Variants in NBAS observed in about 807,000 individuals in gnomAD.
NBAS encodes NBAS subunit of NRZ tethering complex, also known as NAG/BC035112 fusion.
In NBAS, 219 loss-of-function variants were observed where a neutral mutation model predicts 302.5. The observed-to-expected ratio is 0.72, with a 90% CI of 0.65 to 0.81. NBAS has a LOEUF of 0.81. Ranked by LOEUF, NBAS falls within the 30% of genes least tolerant of loss-of-function variation. The pLI is 0.00. For synonymous variants in NBAS, 1,118 were observed against 1,021.6 expected, an observed-to-expected ratio of 1.09 and a Z score of -1.80; for missense variants, 2,932 against 2,841.6, an observed-to-expected ratio of 1.03 and a Z score of -0.72.
the NBAS span, among the ~76,000 whole-genome samples, chr2:15,151,859 T>C: frequency 6.6e-6 from 1 of 152,080 alleles, no homozygotes; most frequent in Non-Finnish European, 1.5e-5. Context: ...TATTTTTTAT[T>C]TTTTTTGAGG....
the NBAS span, among the ~76,000 whole-genome samples, chr2:15,006,934 C>T: frequency 6.6e-6 from 1 of 152,150 alleles, no homozygotes; most frequent in Non-Finnish European, 1.5e-5. Context: ...ATTTGTATTT[C>T]CTCTACTCCT....
the NBAS span, among the ~76,000 whole-genome samples, chr2:15,006,843 T>C: frequency 1.3e-5 from 2 of 152,228 alleles, no homozygotes; most frequent in Non-Finnish European, 2.9e-5. Flanking sequence ...CATGCTAGCT[T>C]GTCCCAATGA....
At chr2:15,456,579 A>G (rs1486791316) in intron 21 of NBAS, among the ~76,000 whole-genome samples, 1 of 152,228 alleles carries the variant, frequency 6.6e-6, no homozygotes, top group Non-Finnish European at 1.5e-5. Flanking sequence ...ACATTCACTC[A>G]TGCATTTATT....
At chr2:15,189,548 C>A (rs1296522040) in intron 49 of NBAS, among the ~76,000 whole-genome samples, 1 of 142,410 alleles carries the variant, frequency 7.0e-6, no homozygotes, top group East Asian at 2.7e-4. Flanking sequence ...CAATGAGAAG[C>A]CACAGCTCAT....
chr2:15,512,682 G>A (rs2148650502), intron 9 of NBAS, among the ~76,000 whole-genome samples: 1 of 152,116 alleles, frequency 6.6e-6, no homozygotes, highest in Non-Finnish European at 1.5e-5. Context: ...AAGGTAGAAG[G>A]GGCCACAAGC....
chr2:15,302,530 G>A (rs1040277791), intron 40 of NBAS, among the ~76,000 whole-genome samples: 1 of 152,166 alleles, frequency 6.6e-6, no homozygotes, highest in Non-Finnish European at 1.5e-5. Flanking sequence ...GGGAATGGTG[G>A]TGGGTGGCTG....
Position 15,238,481 on chromosome 2 carries a change from T to C in NBAS, c.5930A>G (p.Lys1977Arg). The change falls in exon 45 of 52, where the codon AAG (lysine) becomes AGG (arginine). Residue 1977 changes from lysine (K) to arginine (R), a missense_variant. Coordinates refer to ENST00000281513, the MANE Select transcript of NBAS (RefSeq NM_015909.4). Reference sequence around the variant, plus strand: ...CCATTTCTTTACCTGCTCACTATTCTTCAGAGAAAGGATGAAGCTGTGGCT... The same window carrying C: ...CCATTTCTTTACCTGCTCACTATTCCTCAGAGAAAGGATGAAGCTGTGGCT... ...TLSHSFILSLKNSEQETLQKY... is the reference protein window; with the variant it reads ...TLSHSFILSLRNSEQETLQKY... 6.2e-7 allele frequency: 1 copy of C among 1,614,168 alleles called. No individual in the cohort carries two copies. Among genetic ancestry groups the C allele is most frequent in the South Asian group, 1.1e-5 (1 of 91,084 alleles).
rs770230854 is a variant in NBAS, at chr2:15,424,419, C to T, written c.2473G>A (p.Ala825Thr). ...CTGAACCTTAGTAACTCAGGCTGTG[C>T]AGCATACAAGAATTCACTTTCATCT... is the stretch of plus-strand genomic sequence containing the variant. Reference protein sequence around the residue: ...LQDESEFLYAAQPELLRFRMT... With the variant: ...LQDESEFLYATQPELLRFRMT... Residue 825 changes from alanine (A) to threonine (T), a missense_variant, in exon 23 of 52, where the codon GCA becomes ACA. Physicochemically the swap from Ala to Thr is moderately conservative, Grantham distance 58. Coordinates refer to ENST00000281513, the MANE Select transcript of NBAS (RefSeq NM_015909.4). 6.2e-7 allele frequency: 1 copy of T among 1,614,138 alleles called. No individual in the cohort carries two copies. Among genetic ancestry groups the T allele is most frequent in the South Asian group, 1.1e-5 (1 of 91,086 alleles).
intron 22 of NBAS, among the ~76,000 whole-genome samples, chr2:15,426,448 A>G (rs557930024): frequency 6.6e-6 from 1 of 152,236 alleles, no homozygotes; most frequent in Admixed American, 6.5e-5. Context: ...TCTTTCATCT[A>G]TAACTTGAAT....
At chr2:15,112,744 GA>G in the NBAS span, among the ~76,000 whole-genome samples, 3,827 of 16,362 alleles carry the variant, frequency 0.23, 138 homozygotes, top group African/African-American at 0.39. Flanking sequence ...ATTCTCAAAG[GA>G]AAAAAAATAT....
chr2:14,800,375 G>C, the NBAS span, among the ~76,000 whole-genome samples: 1 of 152,176 alleles, frequency 6.6e-6, no homozygotes, highest in Non-Finnish European at 1.5e-5. Flanking sequence ...ATCCACTCAA[G>C]ATGTGACTTG....
chr2:14,932,368 T>A, the NBAS span, among the ~76,000 whole-genome samples: 4 of 152,238 alleles, frequency 2.6e-5, no homozygotes, highest in East Asian at 7.7e-4. Context: ...GCACCTACTG[T>A]TTTGGGGCTC....
chr2:15,444,284 T>A (rs916802995), intron 21 of NBAS, among the ~76,000 whole-genome samples: 1 of 152,286 alleles, frequency 6.6e-6, no homozygotes, highest in South Asian at 2.1e-4. Context: ...CAAAACAGCA[T>A]GGTATTGGTA....
At chr2:14,867,827 A>T in the NBAS span, among the ~76,000 whole-genome samples, 1 of 152,158 alleles carries the variant, frequency 6.6e-6, no homozygotes, top group Non-Finnish European at 1.5e-5. Context: ...ATATTTTTTT[A>T]AATAAAAGAG....
chr2:14,901,228 T>G, the NBAS span, among the ~76,000 whole-genome samples: 1 of 152,194 alleles, frequency 6.6e-6, no homozygotes, highest in Middle Eastern at 3.2e-3. Context: ...AGTTAGTAGG[T>G]GCTCAATAAA....
chr2:14,831,990 G>A, the NBAS span, among the ~76,000 whole-genome samples: 7 of 152,136 alleles, frequency 4.6e-5, no homozygotes, highest in African/African-American at 1.7e-4. Flanking sequence ...TACACTTTAG[G>A]CATCACTCAG....
chr2:15,219,303 ATT>A (rs149822429), intron 47 of NBAS, among the ~76,000 whole-genome samples: 34,327 of 144,012 alleles, frequency 0.24, 4,076 homozygotes, highest in Middle Eastern at 0.34. Flanking sequence ...CATTCTAGTA[ATT>A]TTTTTTTTTT....
rs1329613885 is a variant in NBAS, at chr2:15,327,774, C to T, written c.4558G>A (p.Gly1520Arg). 1.9e-6 allele frequency: 3 copies of T among 1,613,676 alleles called. No homozygotes were observed. The highest frequency in any genetic ancestry group is 1.7e-5 in the Admixed American group (1 of 60,006). Residue 1520 changes from glycine to arginine, a missense_variant, in exon 38 of 52, where the codon GGA becomes AGA. Transcript: ENST00000281513. ...CCTTCAGTTGTTGGAAATACTTCTC[C>T]TTTATTTTTAGCCTCTGCCAATTTT... ...TGKLAEAKNK[G>R]EVFPTTEVLL...
At chr2:15,351,348 T>C (rs969549071) in intron 35 of NBAS, among the ~76,000 whole-genome samples, 35 of 152,108 alleles carry the variant, frequency 2.3e-4, no homozygotes, top group African/African-American at 8.2e-4. Flanking sequence ...GTCAGGACAG[T>C]GGTGATCTCT....
Sources: gnomAD v4.1 joint callset for allele counts (sites outside exome capture counted in the v4.1 genomes callset) on GRCh38, gnomAD v4.1.1 for gene constraint, MANE v1.5 for transcripts, NCBI Gene and HGNC (gene_info 2026-07-23, HGNC 2026-07-21) for gene names.